Variants in TANGO6 observed in about 807,000 individuals in gnomAD.
The protein encoded by TANGO6 is transport and Golgi organization protein 6 homolog.
A neutral mutation model predicts 114.2 loss-of-function variants in TANGO6; 90 were observed. The ratio of observed to expected loss-of-function variants is 0.79; its 90% CI spans 0.66 to 0.94. The LOEUF is 0.94. Ranked by LOEUF, TANGO6 falls within the 40% of genes least tolerant of loss-of-function variation. The probability of loss-of-function intolerance (pLI) is 0.00; values close to 1 mark genes in which losing one functional copy is unlikely to be tolerated. For synonymous variants in TANGO6, 477 were observed against 509.8 expected (o/e 0.94, Z 0.87); for missense variants, 1,274 against 1,315.3 (o/e 0.97, Z 0.49).
chr16:68,870,443 T>C (rs540742920), intron 4 of TANGO6, among the ~76,000 whole-genome samples: 16 of 152,106 alleles, frequency 1.1e-4, no homozygotes, highest in Non-Finnish European at 2.4e-4. Context: ...GCCAATGAAA[T>C]AACAAATGAT....
intron 11 of TANGO6, 31 bp downstream of exon 11, chr16:68,909,433 C>CT (rs1278651759): frequency 6.3e-6 from 9 of 1,438,956 alleles, no homozygotes; most frequent in South Asian, 3.2e-5. Flanking sequence ...GGACCGCAGC[C>CT]TTTTTTTCTT....
In TANGO6 at chr16:68,973,039, C is replaced by A. The variant is rs531975292; in HGVS notation, c.2702-989C>A. On this transcript the variant is annotated intron_variant, in intron 14 of 17. Transcript: ENST00000261778. ...AGGAAGGCGGGGGATGGGGACTGCT[C>A]ATATTCAGGGAAGAAGGGAAACCAC... is the stretch of plus-strand genomic sequence containing the variant. 4.3e-5 allele frequency: 19 copies of A among 445,022 alleles called. No homozygotes were observed. In the East Asian group the frequency reaches 1.3e-3, roughly 30 times the overall value. The allele number at this position is 445,022 out of a possible 1,614,324, so 27.6% of individuals were successfully genotyped here.
chr16:69,028,368 G>T (rs1959539445), intron 16 of TANGO6, among the ~76,000 whole-genome samples: 1 of 151,972 alleles, frequency 6.6e-6, no homozygotes, highest in Admixed American at 6.6e-5. Context: ...AGAGGCCCAC[G>T]CCTATAATCT....
intron 15 of TANGO6, among the ~76,000 whole-genome samples, chr16:69,022,557 A>G (rs1792851850): frequency 6.6e-6 from 1 of 152,112 alleles, no homozygotes; most frequent in African/African-American, 2.4e-5. Flanking sequence ...TACAAAAATT[A>G]GCCGGGCATG....
intron 1 of TANGO6, among the ~76,000 whole-genome samples, chr16:68,850,694 C>T (rs1037593468): frequency 6.6e-6 from 1 of 152,166 alleles, no homozygotes; most frequent in African/African-American, 2.4e-5. Flanking sequence ...GTTGTAACTA[C>T]TCAACTCTGT....
chr16:69,064,697 C>T (rs537546432), intron 17 of TANGO6, among the ~76,000 whole-genome samples: 20 of 152,298 alleles, frequency 1.3e-4, no homozygotes, highest in South Asian at 1.2e-3. Flanking sequence ...ATCTCTAAAC[C>T]TCCCTAACCT....
intron 3 of TANGO6, 100 bp from the exon 4 acceptor site, chr16:68,866,979 T>A: frequency 3.0e-6 from 1 of 331,444 alleles, no homozygotes. Flanking sequence ...TTTCTCCTTT[T>A]TTTTTTTTTT....
intron 17 of TANGO6, among the ~76,000 whole-genome samples, chr16:69,082,393 C>T (rs961385341): frequency 1.3e-5 from 2 of 152,146 alleles, no homozygotes; most frequent in Non-Finnish European, 1.5e-5. Flanking sequence ...CATGAGCCAC[C>T]GCACCGGCCT....
chr16:68,900,171 G>A (rs1962763059), intron 7 of TANGO6: 4 of 376,690 alleles, frequency 1.1e-5, no homozygotes, highest in Non-Finnish European at 1.9e-5. Context: ...AGGTCAGAAA[G>A]CGGGGTAGTT....
intron 14 of TANGO6, 75 bp downstream of exon 14, chr16:68,930,370 T>C: frequency 7.6e-7 from 1 of 1,320,826 alleles, no homozygotes; most frequent in South Asian, 1.3e-5. Flanking sequence ...ACAAAATCTC[T>C]AAAGTCCTAG....
chr16:69,031,762 A>G (rs1334727692), intron 16 of TANGO6, among the ~76,000 whole-genome samples: 9 of 151,922 alleles, frequency 5.9e-5, no homozygotes, highest in Non-Finnish European at 1.2e-4. Flanking sequence ...GGTTCAAGCA[A>G]TTCTCTTGCC....
At chr16:68,990,584 T>C (rs1371205508) in intron 15 of TANGO6, among the ~76,000 whole-genome samples, 1 of 152,072 alleles carries the variant, frequency 6.6e-6, no homozygotes, top group Non-Finnish European at 1.5e-5. Context: ...TGTTTGTATA[T>C]TTCGTAGAGA....
At chr16:68,906,908 C>T (rs1290004569) in intron 9 of TANGO6, among the ~76,000 whole-genome samples, 1 of 151,752 alleles carries the variant, frequency 6.6e-6, no homozygotes, top group Non-Finnish European at 1.5e-5. Flanking sequence ...ATTCTCCTGC[C>T]TTAGCCTCCC....
intron 15 of TANGO6, among the ~76,000 whole-genome samples, chr16:69,013,655 T>A (rs1959233173): frequency 9.1e-6 from 1 of 109,694 alleles, no homozygotes; most frequent in South Asian, 2.7e-4. Context: ...CTTAAGTTCC[T>A]TTTTTTTTTT....
intron 10 of TANGO6, among the ~76,000 whole-genome samples, chr16:68,907,830 GCAAAA>G (rs1339073231): frequency 2.0e-5 from 3 of 152,088 alleles, no homozygotes; most frequent in Admixed American, 2.0e-4. Context: ...GATGAACAAA[GCAAAA>G]CCCTCGATCC....
chr16:69,054,565 A>C (rs1393746377), intron 17 of TANGO6, among the ~76,000 whole-genome samples: 6 of 152,156 alleles, frequency 3.9e-5, no homozygotes, highest in Non-Finnish European at 8.8e-5. Context: ...CCAGGGCATC[A>C]GGCATACAAT....
intron 15 of TANGO6, among the ~76,000 whole-genome samples, chr16:69,007,388 G>A (rs1269807767): frequency 1.3e-5 from 2 of 150,402 alleles, no homozygotes; most frequent in Non-Finnish European, 2.9e-5. Context: ...TCCTGCCTCA[G>A]CCTCCCCAAT....
chr16:69,007,959 A>T (rs1597055853), intron 15 of TANGO6, among the ~76,000 whole-genome samples: 1 of 152,032 alleles, frequency 6.6e-6, no homozygotes, highest in Non-Finnish European at 1.5e-5. Flanking sequence ...CTTTGGAGAA[A>T]TGTTTTTTCA....
At chr16:69,053,639 C>T (rs1377345093) in intron 17 of TANGO6, among the ~76,000 whole-genome samples, 1 of 152,100 alleles carries the variant, frequency 6.6e-6, no homozygotes, top group Non-Finnish European at 1.5e-5. Flanking sequence ...GCTGATGATA[C>T]TCTATGTACA....
Sources: gnomAD v4.1 joint callset for allele counts (sites outside exome capture counted in the v4.1 genomes callset) on GRCh38, gnomAD v4.1.1 for gene constraint, MANE v1.5 for transcripts, NCBI Gene and HGNC (gene_info 2026-07-23, HGNC 2026-07-21) for gene names.